Variants in HMCN1 observed in about 807,000 individuals in gnomAD.
HMCN1 encodes the protein hemicentin 1, also known as hemicentin-1.
A neutral mutation model predicts 625.9 loss-of-function variants in HMCN1; 321 were observed. The ratio of observed to expected loss-of-function variants is 0.51; its 90% CI spans 0.47 to 0.56. HMCN1 has a LOEUF of 0.56. HMCN1 is among the 20% of genes least tolerant of loss of function. The probability of loss-of-function intolerance (pLI) is 0.00; values close to 1 mark genes in which losing one functional copy is unlikely to be tolerated. For synonymous variants in HMCN1, 2,425 were observed against 2,417.6 expected (o/e 1.00, Z -0.09); for missense variants, 6,588 against 6,887.3 (o/e 0.96, Z 1.54).
chr1:186,017,337 A>C (rs1158753424), intron 33 of HMCN1, among the ~76,000 whole-genome samples: 1 of 152,072 alleles, frequency 6.6e-6, no homozygotes, highest in African/African-American at 2.4e-5. Context: ...TATAGAAATT[A>C]CATATTTAAT....
chr1:185,946,403 T>C (rs190587936), intron 11 of HMCN1, among the ~76,000 whole-genome samples: 3 of 152,334 alleles, frequency 2.0e-5, no homozygotes, highest in African/African-American at 7.2e-5. Context: ...GAGACACATG[T>C]ACATATGTGT....
chr1:186,103,440 G>A (rs1406377343), intron 68 of HMCN1, 32 bp from the exon 69 acceptor site: 2 of 1,563,636 alleles, frequency 1.3e-6, no homozygotes, highest in Non-Finnish European at 1.8e-6. Flanking sequence ...GAAACTGTGG[G>A]TTTATTATTA....
intron 47 of HMCN1, among the ~76,000 whole-genome samples, 198 bp downstream of exon 47, chr1:186,062,162 A>G (rs1195334536): frequency 1.3e-5 from 2 of 152,186 alleles, no homozygotes; most frequent in African/African-American, 4.8e-5. Context: ...GCCTGTTTTA[A>G]TTCACAATTG....
intron 97 of HMCN1, among the ~76,000 whole-genome samples, chr1:186,155,303 C>T (rs115290542): frequency 6.6e-6 from 1 of 152,114 alleles, no homozygotes; most frequent in African/African-American, 2.4e-5. Context: ...GCCAGTGACA[C>T]CCATAGCCCA....
chr1:186,000,781 G>C (rs1239558706), intron 26 of HMCN1, among the ~76,000 whole-genome samples: 1 of 151,720 alleles, frequency 6.6e-6, no homozygotes, highest in Non-Finnish European at 1.5e-5. Flanking sequence ...TCATTGTGTA[G>C]ATACACAACG....
At chr1:185,863,288 G>T (rs1409774770) in intron 2 of HMCN1, among the ~76,000 whole-genome samples, 1 of 152,116 alleles carries the variant, frequency 6.6e-6, no homozygotes, top group Admixed American at 6.6e-5. Flanking sequence ...TCAGGACAAG[G>T]TATTTTAGCT....
chr1:185,951,394 T>C (rs1340118837), intron 11 of HMCN1, among the ~76,000 whole-genome samples: 2 of 151,282 alleles, frequency 1.3e-5, no homozygotes, highest in East Asian at 3.9e-4. Flanking sequence ...CCCACAACAG[T>C]TATGGAGGCA....
intron 1 of HMCN1, among the ~76,000 whole-genome samples, chr1:185,840,908 C>A (rs774463329): frequency 1.2e-4 from 18 of 152,156 alleles, no homozygotes; most frequent in Non-Finnish European, 2.4e-4. Flanking sequence ...TATGTGTAGG[C>A]AGTGTTTAGA....
intron 1 of HMCN1, among the ~76,000 whole-genome samples, chr1:185,786,788 G>A (rs1415217415): frequency 6.6e-6 from 1 of 152,158 alleles, no homozygotes; most frequent in Admixed American, 6.5e-5. Context: ...CAGTCTCTAG[G>A]TTTTGGGCAT....
At chr1:185,972,460 A>C (rs1225165000) in intron 15 of HMCN1, among the ~76,000 whole-genome samples, 1 of 152,174 alleles carries the variant, frequency 6.6e-6, no homozygotes, top group South Asian at 2.1e-4. Flanking sequence ...TTATTTCTTG[A>C]ACAGAAGTGA....
At chr1:186,115,076 A>G in intron 74 of HMCN1, 130 bp downstream of exon 74, 1 of 1,444,034 alleles carries the variant, frequency 6.9e-7, no homozygotes, top group South Asian at 1.2e-5. Flanking sequence ...ATGAATAGCA[A>G]GCCCCAAGTT....
chr1:185,849,078 CCT>C (rs1327294412), intron 2 of HMCN1, among the ~76,000 whole-genome samples: 4 of 151,852 alleles, frequency 2.6e-5, no homozygotes, highest in Non-Finnish European at 4.4e-5. Flanking sequence ...TCAAATTCTT[CCT>C]ATGGTTCTGG....
At chr1:185,820,693 G>C (rs1316837308) in intron 1 of HMCN1, among the ~76,000 whole-genome samples, 1 of 152,112 alleles carries the variant, frequency 6.6e-6, no homozygotes, top group Non-Finnish European at 1.5e-5. Flanking sequence ...GGATTGGTAT[G>C]ATTAAAATCA....
chr1:185,777,680 G>A (rs891922279), intron 1 of HMCN1, among the ~76,000 whole-genome samples: 3 of 152,200 alleles, frequency 2.0e-5, no homozygotes, highest in East Asian at 1.9e-4. Context: ...TCGATCTCTC[G>A]ACCTGGTGAT....
At chr1:185,980,210 T>C (rs1036469136) in intron 16 of HMCN1, among the ~76,000 whole-genome samples, 5 of 152,194 alleles carry the variant, frequency 3.3e-5, no homozygotes, top group African/African-American at 1.2e-4. Flanking sequence ...ACTCTGGCAT[T>C]GTCTACAGAA....
chr1:186,036,627 G>A (rs1655844063), intron 36 of HMCN1, among the ~76,000 whole-genome samples: 1 of 148,738 alleles, frequency 6.7e-6, no homozygotes, highest in Non-Finnish European at 1.5e-5. Flanking sequence ...TTTCGCTCTT[G>A]TTGCCCAGGC....
intron 10 of HMCN1, 143 bp downstream of exon 10, chr1:185,928,810 A>ATTCAGTGG: frequency 1.1e-6 from 1 of 904,624 alleles, no homozygotes; most frequent in Non-Finnish European, 1.8e-6. Flanking sequence ...TGAGAACTCA[A>ATTCAGTGG]ATCCTGTGCT....
At chr1:185,820,396 A>C (rs1660113414) in intron 1 of HMCN1, among the ~76,000 whole-genome samples, 1 of 152,084 alleles carries the variant, frequency 6.6e-6, no homozygotes, top group African/African-American at 2.4e-5. Flanking sequence ...GGCGTTCCTC[A>C]TTCATGTTTT....
At chr1:186,106,093 G>A (rs1360276184) in intron 69 of HMCN1, among the ~76,000 whole-genome samples, 1 of 152,186 alleles carries the variant, frequency 6.6e-6, no homozygotes, top group Non-Finnish European at 1.5e-5. Context: ...CAGTTTGAAT[G>A]TAAGAGTTTT....
Sources: allele counts gnomAD v4.1 joint callset (sites outside exome capture counted in the v4.1 genomes callset), GRCh38; gene constraint gnomAD v4.1.1; transcripts MANE v1.5; gene names NCBI Gene and HGNC (gene_info 2026-07-23, HGNC 2026-07-21).